Variants in TTC28 observed in about 807,000 individuals in gnomAD.
TTC28 encodes the protein tetratricopeptide repeat protein 28.
Under a neutral mutation model 198.0 loss-of-function variants are expected in TTC28, and 61 were observed. That is an observed-to-expected ratio of 0.31 (90% confidence interval 0.25 to 0.38). The LOEUF (loss-of-function observed/expected upper bound fraction) is 0.38. Ranked by LOEUF, TTC28 falls within the 10% of genes least tolerant of loss-of-function variation. TTC28 has a pLI of 1.00. For missense variants in TTC28, 2,678 were observed against 3,164.0 expected (o/e 0.85, Z 3.69); for synonymous variants, 1,171 against 1,297.8 (o/e 0.90, Z 2.10).
intron 12 of TTC28, among the ~76,000 whole-genome samples, chr22:28,070,356 G>T (rs1940919462): frequency 6.6e-6 from 1 of 152,182 alleles, no homozygotes; most frequent in Non-Finnish European, 1.5e-5. Context: ...GACACAAGGT[G>T]CTGAGATAGA....
chr22:28,051,637 G>C (rs1169953609), intron 12 of TTC28, among the ~76,000 whole-genome samples: 1 of 152,078 alleles, frequency 6.6e-6, no homozygotes, highest in African/African-American at 2.4e-5. Flanking sequence ...CCCAGTAGGG[G>C]GTTTAACAGC....
At position 28,287,237 on chromosome 22, in the gene TTC28, G is replaced by A. The variant is rs2044702918; in HGVS notation, c.933+8961C>T. Among the ~76,000 whole-genome samples, 3 of 152,140 alleles carry A rather than the reference G, an allele frequency of 2.0e-5. No homozygotes were observed. The South Asian group carries it at 6.2e-4, about 31-fold the overall frequency. On this transcript the variant is annotated intron_variant, in intron 5 of 22. Transcript: ENST00000397906. Reference sequence around the variant, plus strand: ...ATCTTACTTATGACAAAAGTAACATGCAGTACAGTCTGATGAATATAGAGT... The same window carrying A: ...ATCTTACTTATGACAAAAGTAACATACAGTACAGTCTGATGAATATAGAGT...
At chr22:28,036,614 G>A (rs371474922) in intron 12 of TTC28, among the ~76,000 whole-genome samples, 1 of 152,148 alleles carries the variant, frequency 6.6e-6, no homozygotes, top group Admixed American at 6.6e-5. Flanking sequence ...AAGAACTAGA[G>A]AAGCAAGAGC....
At chr22:28,657,240 A>G (rs1002707094) in intron 1 of TTC28, among the ~76,000 whole-genome samples, 1 of 152,208 alleles carries the variant, frequency 6.6e-6, no homozygotes, top group Non-Finnish European at 1.5e-5. Context: ...TTTGACCACT[A>G]CATACGCCTC....
chr22:28,175,894 A>C (rs982185220), intron 5 of TTC28, among the ~76,000 whole-genome samples: 5 of 152,222 alleles, frequency 3.3e-5, no homozygotes, highest in Admixed American at 2.0e-4. Flanking sequence ...GGCTATTATA[A>C]AAAAGATACA....
At chr22:28,366,760 G>A (rs1023800547) in intron 2 of TTC28, among the ~76,000 whole-genome samples, 2 of 151,788 alleles carry the variant, frequency 1.3e-5, no homozygotes, top group African/African-American at 4.8e-5. Context: ...CATTCCATGC[G>A]AACATAAAAA....
At chr22:28,424,243 GTAAA>G (rs1183451500) in intron 2 of TTC28, among the ~76,000 whole-genome samples, 1 of 152,082 alleles carries the variant, frequency 6.6e-6, no homozygotes, top group East Asian at 1.9e-4. Flanking sequence ...AAACAAATAA[GTAAA>G]TAAATAAATG....
chr22:28,538,556 CTTTT>C (rs753754141), intron 2 of TTC28, among the ~76,000 whole-genome samples: 1 of 109,530 alleles, frequency 9.1e-6, no homozygotes, highest in Non-Finnish European at 1.9e-5. Flanking sequence ...GCACCTTTCT[CTTTT>C]TTTTTTTTTT....
intron 2 of TTC28, among the ~76,000 whole-genome samples, chr22:28,625,618 C>T (rs1601635869): frequency 6.6e-6 from 1 of 152,138 alleles, no homozygotes; most frequent in Non-Finnish European, 1.5e-5. Flanking sequence ...TGGCATTTCT[C>T]TCCAAACTGG....
chr22:28,593,422 C>T (rs2050471058), intron 2 of TTC28, among the ~76,000 whole-genome samples: 1 of 152,042 alleles, frequency 6.6e-6, no homozygotes, highest in African/African-American at 2.4e-5. Context: ...AGACTCTTAG[C>T]AACCAGATAG....
In TTC28 at chr22:28,071,954, G is replaced by A. The variant is rs117078468; in HGVS notation, c.3932+22126C>T. Among the ~76,000 whole-genome samples, 47 of 152,222 alleles carry A rather than the reference G, an allele frequency of 3.1e-4. No homozygotes were observed. In the East Asian group the frequency reaches 9.1e-3, roughly 29 times the overall value. On this transcript the variant is annotated intron_variant, in intron 12 of 22. Transcript: ENST00000397906. ...GTGAAGCCTTAACGAGTCTTAATGT[G>A]TTACTAGGAATCGGAAGAGTTTCAT...
chr22:28,112,575 T>A lies in TTC28; in HGVS notation c.1442-4172A>T, dbSNP rs1468423670. ...TTTTTCATCCTCCCTGTGTCTCTAC[T>A]GTCCCAGCCACTGCCAGCCTGGGGA... is the stretch of plus-strand genomic sequence containing the variant. On this transcript the variant is annotated intron_variant, in intron 6 of 22. Coordinates refer to ENST00000397906, the MANE Select transcript of TTC28 (RefSeq NM_001145418.2). Among the ~76,000 whole-genome samples the A allele has an allele frequency of 2.0e-5, 3 of 152,328 alleles. No homozygotes were observed. The East Asian group carries it at 5.8e-4, about 29-fold the overall frequency.
At position 28,456,748 on chromosome 22, in the gene TTC28, G is replaced by C. The variant is rs142227162; in HGVS notation, c.382-150105C>G. On this transcript the variant is annotated intron_variant, in intron 2 of 22. Coordinates refer to ENST00000397906, the MANE Select transcript of TTC28 (RefSeq NM_001145418.2). ...ATGCCACCATGCCCAGCTAATTTTT[G>C]TATTTTTAGTAGAGACGGGGTTTCA... Among the ~76,000 whole-genome samples, 38 of 152,156 alleles carry C rather than the reference G, an allele frequency of 2.5e-4. No homozygotes were observed. The East Asian group carries it at 6.6e-3, about 26-fold the overall frequency.
intron 12 of TTC28, among the ~76,000 whole-genome samples, chr22:28,087,944 C>A (rs1014562433): frequency 6.6e-6 from 1 of 152,130 alleles, no homozygotes; most frequent in African/African-American, 2.4e-5. Flanking sequence ...ACCTAGGAAT[C>A]CAACTTACAA....
chr22:28,390,985 G>A (rs2046709015), intron 2 of TTC28, among the ~76,000 whole-genome samples: 1 of 152,194 alleles, frequency 6.6e-6, no homozygotes, highest in African/African-American at 2.4e-5. Context: ...GGTATCAGTT[G>A]TTCCTTTCCA....
intron 2 of TTC28, among the ~76,000 whole-genome samples, chr22:28,539,214 G>C (rs1029099994): frequency 6.6e-6 from 1 of 152,122 alleles, no homozygotes; most frequent in Non-Finnish European, 1.5e-5. Context: ...ACTGGAGCTC[G>C]GCAAGGAGAG....
At chr22:28,269,435 T>G (rs1931905026) in intron 5 of TTC28, among the ~76,000 whole-genome samples, 1 of 152,176 alleles carries the variant, frequency 6.6e-6, no homozygotes, top group Non-Finnish European at 1.5e-5. Context: ...TTTTGTACAT[T>G]GCCCACTCTA....
At chr22:28,300,270 C>T (rs2044993343) in intron 3 of TTC28, among the ~76,000 whole-genome samples, 1 of 152,160 alleles carries the variant, frequency 6.6e-6, no homozygotes. Flanking sequence ...AGGAAGAATG[C>T]CCTAAACTGA....
At position 28,415,987 on chromosome 22, in the gene TTC28, G is replaced by A. The variant is rs180707999; in HGVS notation, c.382-109344C>T. Among the ~76,000 whole-genome samples, 7 of 152,232 alleles carry A rather than the reference G, an allele frequency of 4.6e-5. No individual in the cohort carries two copies. In the East Asian group the frequency reaches 1.3e-3, roughly 29 times the overall value. On this transcript the variant is annotated intron_variant, in intron 2 of 22. Transcript: ENST00000397906. ...TTCAGAATGTGTTTATCTAAAAAAG[G>A]CATTGAACTTTCAGAAAAGCCCTAG...
Sources: allele counts gnomAD v4.1 joint callset (sites outside exome capture counted in the v4.1 genomes callset), GRCh38; gene constraint gnomAD v4.1.1; transcripts MANE v1.5; gene names NCBI Gene and HGNC (gene_info 2026-07-23, HGNC 2026-07-21).